Variants in ANKRD11 observed in about 807,000 individuals in gnomAD.
ANKRD11 encodes ankyrin repeat domain-containing protein 11.
ANKRD11 carries 17 observed loss-of-function variants against 195.7 expected under a neutral mutation model. The ratio of observed to expected loss-of-function variants is 0.09; its 90% CI spans 0.06 to 0.13. The LOEUF (loss-of-function observed/expected upper bound fraction) is 0.13. Among genes scored for constraint, ANKRD11 ranks in the 10% least tolerant of loss-of-function variants. The probability of loss-of-function intolerance (pLI) is 1.00; values close to 1 mark genes in which losing one functional copy is unlikely to be tolerated. For missense variants in ANKRD11, 3,735 were observed against 3,566.1 expected, an observed-to-expected ratio of 1.05 and a Z score of -1.21; for synonymous variants, 1,953 against 1,528.1, an observed-to-expected ratio of 1.28 and a Z score of -6.49.
At position 89,446,461 on chromosome 16, in the gene ANKRD11, G is replaced by A. The variant is rs371643175; in HGVS notation, c.-144-28093C>T. ...TCTACAAAAAACACAAAACTTATCC[G>A]GGTGTGGTGGCAAGCATCTGTACTC... On this transcript the variant is annotated intron_variant, in intron 1 of 12. Transcript: ENST00000301030. 6.2e-4 allele frequency among the ~76,000 whole-genome samples: 95 copies of A among 152,192 alleles called. No homozygotes were observed. The East Asian group carries it at 0.013, about 20-fold the overall frequency.
At chr16:89,328,498 C>T (rs1461799154) in intron 2 of ANKRD11, among the ~76,000 whole-genome samples, 1 of 152,236 alleles carries the variant, frequency 6.6e-6, no homozygotes, top group Non-Finnish European at 1.5e-5. Flanking sequence ...ACGGCATCCC[C>T]TCAGCAGTAA....
At chr16:89,358,811 T>C (rs373955323) in intron 2 of ANKRD11, among the ~76,000 whole-genome samples, 6 of 151,926 alleles carry the variant, frequency 3.9e-5, no homozygotes, top group African/African-American at 1.5e-4. Flanking sequence ...ATTTCAGTTA[T>C]AGTTTGTTTT....
At chr16:89,486,346 T>C (rs1243591289) in intron 1 of ANKRD11, among the ~76,000 whole-genome samples, 1 of 149,582 alleles carries the variant, frequency 6.7e-6, no homozygotes, top group African/African-American at 2.5e-5. Context: ...GAGTCTGAGG[T>C]GGGAGGATCG....
chr16:89,272,204 C>T (rs1352033807), intron 11 of ANKRD11: 17 of 152,186 alleles, frequency 1.1e-4, no homozygotes. Flanking sequence ...CATCACTTCA[C>T]CCCGGTTAAA....
chr16:89,427,049 C>A (rs1267012464), intron 1 of ANKRD11, among the ~76,000 whole-genome samples: 1 of 152,204 alleles, frequency 6.6e-6, no homozygotes, highest in Non-Finnish European at 1.5e-5. Context: ...TTCAGTCAGT[C>A]AGTCAATCAA....
chr16:89,375,688 C>G (rs2040394842), intron 2 of ANKRD11, among the ~76,000 whole-genome samples: 2 of 149,386 alleles, frequency 1.3e-5, no homozygotes, highest in Admixed American at 1.4e-4. Context: ...CTCCTGACCT[C>G]AAGTGATCCG....
chr16:89,293,858 G>A (rs1453354398), intron 4 of ANKRD11, among the ~76,000 whole-genome samples: 1 of 152,076 alleles, frequency 6.6e-6, no homozygotes, highest in Non-Finnish European at 1.5e-5. Context: ...GGAGGCGTGT[G>A]TCAGAGGAAC....
intron 1 of ANKRD11, among the ~76,000 whole-genome samples, chr16:89,464,532 T>C (rs569011795): frequency 6.9e-6 from 1 of 144,112 alleles, no homozygotes; most frequent in Admixed American, 7.2e-5. Context: ...CGCTTGAACC[T>C]GGGAGGTGGA....
intron 11 of ANKRD11, chr16:89,271,443 A>C (rs546739156): frequency 2.9e-4 from 62 of 216,466 alleles, no homozygotes; most frequent in African/African-American, 1.4e-3. Flanking sequence ...CCTGGGCGAG[A>C]CTTTCTAGAT....
At chr16:89,290,859 T>C in intron 5 of ANKRD11, 31 bp from the exon 6 acceptor site, 1 of 1,612,044 alleles carries the variant, frequency 6.2e-7, no homozygotes, top group African/African-American at 1.3e-5. Context: ...AGATGGGCAT[T>C]ACTGTGGGGT....
chr16:89,457,458 C>T lies in ANKRD11; in HGVS notation c.-145+32787G>A, dbSNP rs113910662. On this transcript the variant is annotated intron_variant, in intron 1 of 12. Transcript: ENST00000301030. ...CTTGAAAATACAAAAATTAGCCAGG[C>T]GTGGTGGTGGGCACCCGTAATCCCA... Among the ~76,000 whole-genome samples the T allele has an allele frequency of 4.6e-3, 691 of 150,994 alleles. 8 individuals are homozygous for T. The highest frequency in any genetic ancestry group is 0.016 in the African/African-American group (664 of 41,156).
intron 3 of ANKRD11, among the ~76,000 whole-genome samples, chr16:89,309,395 A>AGGCCCC (rs1183456667): frequency 6.6e-6 from 1 of 152,220 alleles, no homozygotes; most frequent in Admixed American, 6.5e-5. Context: ...ACATTACTGA[A>AGGCCCC]GGCCCCTAGC....
chr16:89,450,830 T>G (rs1015246030), intron 1 of ANKRD11, among the ~76,000 whole-genome samples: 2 of 152,014 alleles, frequency 1.3e-5, no homozygotes, highest in African/African-American at 4.8e-5. Flanking sequence ...TTTGTTCAAT[T>G]TAATATCACA....
intron 2 of ANKRD11, among the ~76,000 whole-genome samples, chr16:89,330,812 G>A (rs2038026425): frequency 6.6e-6 from 1 of 152,144 alleles, no homozygotes; most frequent in Non-Finnish European, 1.5e-5. Context: ...TCTGAAGGGA[G>A]GCAGATCAAA....
At chr16:89,304,365 T>G (rs555881576) in intron 4 of ANKRD11, among the ~76,000 whole-genome samples, 1 of 142,696 alleles carries the variant, frequency 7.0e-6, no homozygotes, top group Non-Finnish European at 1.5e-5. Context: ...TACACAGGCA[T>G]GCACATGCAC....
At chr16:89,367,108 G>A (rs953242243) in intron 2 of ANKRD11, among the ~76,000 whole-genome samples, 12 of 152,058 alleles carry the variant, frequency 7.9e-5, no homozygotes, top group Admixed American at 1.3e-4. Context: ...GAGACTCACC[G>A]GATACTCACT....
chr16:89,462,359 G>A (rs2056709612), intron 1 of ANKRD11, among the ~76,000 whole-genome samples: 2 of 152,176 alleles, frequency 1.3e-5, no homozygotes, highest in African/African-American at 4.8e-5. Context: ...ACGGAGTCTC[G>A]TTCACTCAGT....
At chr16:89,371,818 T>C (rs2040206547) in intron 2 of ANKRD11, among the ~76,000 whole-genome samples, 1 of 152,078 alleles carries the variant, frequency 6.6e-6, no homozygotes, top group Admixed American at 6.5e-5. Context: ...GCCAGCAATG[T>C]CCATCATGTT....
intron 1 of ANKRD11, among the ~76,000 whole-genome samples, chr16:89,481,829 C>CA (rs35352113): frequency 4.6e-5 from 7 of 152,124 alleles, no homozygotes; most frequent in Non-Finnish European, 1.0e-4. Context: ...CCTTTGTCCC[C>CA]AGCCTTCCCG....
Sources: allele counts gnomAD v4.1 joint callset (sites outside exome capture counted in the v4.1 genomes callset), GRCh38; gene constraint gnomAD v4.1.1; transcripts MANE v1.5; gene names NCBI Gene and HGNC (gene_info 2026-07-23, HGNC 2026-07-21).